The following MARCHF8 variants were observed in gnomAD, a reference collection of about 807,000 sequenced individuals.
The protein encoded by MARCHF8 is membrane associated ring-CH-type finger 8, also known as E3 ubiquitin-protein ligase MARCHF8.
In MARCHF8, 40 loss-of-function variants were observed where a neutral mutation model predicts 51.6. That is an observed-to-expected ratio of 0.77 (90% CI 0.60 to 1.01). The LOEUF is 1.01. Ranked by LOEUF, MARCHF8 falls within the 50% of genes least tolerant of loss-of-function variation. MARCHF8 has a pLI of 0.00. For synonymous variants in MARCHF8, 263 were observed against 280.3 expected, an observed-to-expected ratio of 0.94 and a Z score of 0.62; for missense variants, 685 against 708.6, an observed-to-expected ratio of 0.97 and a Z score of 0.38.
chr10:45,520,506 A>G (rs575128635), intron 2 of MARCHF8, among the ~76,000 whole-genome samples: 1 of 152,218 alleles, frequency 6.6e-6, no homozygotes, highest in Non-Finnish European at 1.5e-5. Context: ...GTACAAAGGT[A>G]TGTGTGGTTC....
chr10:45,571,323 TCTC>T (rs1372050516), intron 1 of MARCHF8, among the ~76,000 whole-genome samples: 1 of 152,138 alleles, frequency 6.6e-6, no homozygotes, highest in Non-Finnish European at 1.5e-5. Flanking sequence ...TGAAATTCCT[TCTC>T]CTGGCTCATC....
chr10:45,545,898 C>T lies in MARCHF8; in HGVS notation c.-78-12609G>A, dbSNP rs184066733. Among the ~76,000 whole-genome samples, 836 of 152,288 alleles carry T rather than the reference C, an allele frequency of 5.5e-3. 8 individuals carry two copies. The highest frequency in any genetic ancestry group is 6.6e-3 in the Non-Finnish European group (449 of 68,030). ...CTTAACCACTGGTTAGCAAGGCTAA[C>T]CTTAAGCTATAAAGCTATAAAGATT... On this transcript the variant is annotated intron_variant, in intron 1 of 6. Coordinates refer to the MARCHF8 transcript ENST00000319836.
At chr10:45,546,904 T>A (rs949642710) in intron 1 of MARCHF8, among the ~76,000 whole-genome samples, 1 of 152,202 alleles carries the variant, frequency 6.6e-6, no homozygotes, top group Admixed American at 6.5e-5. Context: ...GACTGAAGTT[T>A]GTTAGTTTTT....
chr10:45,494,729 G>T (rs1237387818), intron 2 of MARCHF8, among the ~76,000 whole-genome samples: 1 of 152,106 alleles, frequency 6.6e-6, no homozygotes, highest in African/African-American at 2.4e-5. Flanking sequence ...GAATATAGAC[G>T]TAATACCACG....
intron 3 of MARCHF8, among the ~76,000 whole-genome samples, chr10:45,464,683 C>A (rs1209935444): frequency 6.6e-6 from 1 of 152,142 alleles, no homozygotes; most frequent in Non-Finnish European, 1.5e-5. Flanking sequence ...TATGAGGCTC[C>A]AGGCCTGCTG....
intron 1 of MARCHF8, among the ~76,000 whole-genome samples, chr10:45,563,891 T>G (rs1218489718): frequency 6.6e-6 from 1 of 152,174 alleles, no homozygotes; most frequent in Non-Finnish European, 1.5e-5. Context: ...CATATCAGAA[T>G]AAGGCTTATT....
upstream of MARCHF8, among the ~76,000 whole-genome samples, chr10:45,540,221 A>T (rs933330917): frequency 6.6e-6 from 1 of 152,206 alleles, no homozygotes; most frequent in African/African-American, 2.4e-5. Context: ...ATATGGAACC[A>T]AAAAAGAGCC....
At chr10:45,481,488 G>T (rs988600651) in intron 3 of MARCHF8, among the ~76,000 whole-genome samples, 1 of 152,260 alleles carries the variant, frequency 6.6e-6, no homozygotes, top group East Asian at 1.9e-4. Flanking sequence ...GTCGTGGGAG[G>T]GACCCAGTGG....
intron 1 of MARCHF8, among the ~76,000 whole-genome samples, chr10:45,586,823 T>C (rs574097492): frequency 5.4e-4 from 82 of 152,248 alleles, no homozygotes; most frequent in African/African-American, 1.8e-3. Flanking sequence ...TTCTTCTTAA[T>C]TTACTGAAGT....
At chr10:45,462,690 A>G (rs964594772) in intron 5 of MARCHF8, among the ~76,000 whole-genome samples, 11 of 151,708 alleles carry the variant, frequency 7.3e-5, no homozygotes, top group Non-Finnish European at 1.3e-4. Context: ...CAATGGCGCA[A>G]TCTTGGCTCA....
chr10:45,558,381 T>C (rs542018007), intron 1 of MARCHF8, among the ~76,000 whole-genome samples: 4 of 152,334 alleles, frequency 2.6e-5, no homozygotes, highest in Middle Eastern at 6.8e-3. Flanking sequence ...ATGGTATCTG[T>C]CATTCACACT....
At chr10:45,544,744 G>A (rs1361960637) in intron 1 of MARCHF8, among the ~76,000 whole-genome samples, 1 of 152,154 alleles carries the variant, frequency 6.6e-6, no homozygotes, top group Non-Finnish European at 1.5e-5. Context: ...TGGGGGCAAA[G>A]GAAATGTCTC....
intron 1 of MARCHF8, among the ~76,000 whole-genome samples, chr10:45,548,433 G>A (rs1468469947): frequency 2.0e-5 from 3 of 152,156 alleles, no homozygotes; most frequent in Non-Finnish European, 4.4e-5. Flanking sequence ...TACAACCACC[G>A]GGGCAGGTAC....
chr10:45,536,886 CAAAT>C (rs1455196762), upstream of MARCHF8, among the ~76,000 whole-genome samples: 13 of 133,436 alleles, frequency 9.7e-5, no homozygotes, highest in Middle Eastern at 4.0e-3. Context: ...ATAATAAAGA[CAAAT>C]AACCCAATGA....
At chr10:45,473,611 G>A (rs1166631470) in intron 3 of MARCHF8, among the ~76,000 whole-genome samples, 1 of 151,230 alleles carries the variant, frequency 6.6e-6, no homozygotes, top group African/African-American at 2.4e-5. Context: ...CATCAAGAGA[G>A]GCTCCAAAAA....
At chr10:45,589,921 T>C (rs955127744) in intron 1 of MARCHF8, among the ~76,000 whole-genome samples, 2 of 152,228 alleles carry the variant, frequency 1.3e-5, no homozygotes, top group Non-Finnish European at 2.9e-5. Context: ...TTCTCTTGGG[T>C]ATATACCTAG....
At chr10:45,549,591 T>A (rs1361611850) in intron 1 of MARCHF8, among the ~76,000 whole-genome samples, 1 of 152,188 alleles carries the variant, frequency 6.6e-6, no homozygotes, top group East Asian at 1.9e-4. Flanking sequence ...ACTTGATGGG[T>A]CCTGTGGTTT....
intron 1 of MARCHF8, among the ~76,000 whole-genome samples, chr10:45,547,415 A>C (rs1379742874): frequency 6.6e-6 from 1 of 152,136 alleles, no homozygotes; most frequent in African/African-American, 2.4e-5. Context: ...AAGGACTCTC[A>C]GCTGCCAGCA....
intron 1 of MARCHF8, among the ~76,000 whole-genome samples, chr10:45,567,040 C>T (rs575681995): frequency 6.6e-6 from 1 of 152,238 alleles, no homozygotes; most frequent in South Asian, 2.1e-4. Flanking sequence ...ATGTTGAGCA[C>T]CTTTTCATAT....
Sources: gnomAD v4.1 joint callset for allele counts (sites outside exome capture counted in the v4.1 genomes callset) on GRCh38, gnomAD v4.1.1 for gene constraint, MANE v1.5 for transcripts, NCBI Gene and HGNC (gene_info 2026-07-23, HGNC 2026-07-21) for gene names.